The following SNX29 variants were observed in gnomAD, a reference collection of about 807,000 sequenced individuals.
SNX29 encodes sorting nexin-29.
SNX29 carries 78 observed loss-of-function variants against 102.1 expected under a neutral mutation model. The ratio of observed to expected loss-of-function variants is 0.76; its 90% CI spans 0.64 to 0.92. SNX29 has a LOEUF of 0.92. SNX29 is among the 40% of genes least tolerant of loss of function. SNX29 has a pLI of 0.00. For missense variants in SNX29, 1,280 were observed against 1,061.7 expected, an observed-to-expected ratio of 1.21 and a Z score of -2.86; for synonymous variants, 580 against 414.5, an observed-to-expected ratio of 1.40 and a Z score of -4.85.
At position 12,558,721 on chromosome 16, in the gene SNX29, G is replaced by C. The variant is rs138522727; in HGVS notation, c.2319-9785G>C. On this transcript the variant is annotated intron_variant, in intron 20 of 20. Transcript: ENST00000566228. ...CCCCATCCCGTTTCTACGGGGGGCTGCACAAGCCTCACCACTAGGCTGTCC... is the reference window on the plus strand; with the variant it reads ...CCCCATCCCGTTTCTACGGGGGGCTCCACAAGCCTCACCACTAGGCTGTCC... 6.2e-4 allele frequency among the ~76,000 whole-genome samples: 94 copies of C among 152,314 alleles called. 1 individual carries two copies. Among genetic ancestry groups the C allele is most frequent in the African/African-American group, 2.1e-3 (89 of 41,572 alleles).
intron 16 of SNX29, among the ~76,000 whole-genome samples, chr16:12,360,348 G>A (rs2082267104): frequency 6.6e-6 from 1 of 152,134 alleles, no homozygotes. Context: ...CATTATTGTG[G>A]AAGACACTTG....
chr16:12,023,195 C>T (rs751605325), intron 3 of SNX29, among the ~76,000 whole-genome samples: 6 of 151,988 alleles, frequency 3.9e-5, no homozygotes, highest in Admixed American at 6.6e-5. Context: ...CTGCACCCCA[C>T]CTGACTGGTG....
intron 18 of SNX29, among the ~76,000 whole-genome samples, chr16:12,469,075 C>G (rs2087213262): frequency 1.3e-5 from 2 of 152,224 alleles, no homozygotes; most frequent in Admixed American, 6.5e-5. Flanking sequence ...AAAGCACAGA[C>G]TGGCTGGGTC....
At chr16:12,383,164 C>T (rs1269708958) in intron 16 of SNX29, among the ~76,000 whole-genome samples, 4 of 152,136 alleles carry the variant, frequency 2.6e-5, no homozygotes, top group African/African-American at 9.7e-5. Context: ...CTGTCACCTC[C>T]ATTCCCATCC....
At chr16:12,404,947 T>A (rs931685900) in intron 18 of SNX29, among the ~76,000 whole-genome samples, 9 of 152,182 alleles carry the variant, frequency 5.9e-5, no homozygotes, top group African/African-American at 2.2e-4. Context: ...AGAAGTTTGT[T>A]TTAGTTTGAC....
chr16:12,150,446 A>T (rs1400195097), intron 13 of SNX29, among the ~76,000 whole-genome samples: 1 of 152,222 alleles, frequency 6.6e-6, no homozygotes, highest in African/African-American at 2.4e-5. Context: ...CTAGCTCCTC[A>T]AGGTACGAGG....
intron 18 of SNX29, among the ~76,000 whole-genome samples, chr16:12,418,117 C>G (rs952884326): frequency 3.3e-5 from 5 of 152,146 alleles, no homozygotes; most frequent in Non-Finnish European, 7.4e-5. Flanking sequence ...ACTACCGAGT[C>G]ACTCCTGATA....
Position 12,225,070 on chromosome 16 carries a change from T to C in SNX29, c.1678+25387T>C, listed in dbSNP as rs553964977. On this transcript the variant is annotated intron_variant, in intron 14 of 20. Transcript: ENST00000566228. ...TAGTCAGAAATCTTTCTAACATCTGTTATTCTAACAAACAGTGCCTTTGGT... is the reference window on the plus strand; with the variant it reads ...TAGTCAGAAATCTTTCTAACATCTGCTATTCTAACAAACAGTGCCTTTGGT... Among the ~76,000 whole-genome samples the C allele has an allele frequency of 8.5e-5, 13 of 152,280 alleles. No homozygotes were observed. The East Asian group carries it at 2.1e-3, about 25-fold the overall frequency.
chr16:12,554,149 T>G (rs867309906), intron 20 of SNX29, among the ~76,000 whole-genome samples: 3 of 152,246 alleles, frequency 2.0e-5, no homozygotes, highest in Admixed American at 1.3e-4. Flanking sequence ...CTCTTTACTG[T>G]GTTTAAGTAA....
chr16:12,537,840 C>G (rs573640502), intron 20 of SNX29, among the ~76,000 whole-genome samples: 2 of 152,238 alleles, frequency 1.3e-5, no homozygotes, highest in South Asian at 2.1e-4. Context: ...AGTTGTCTGG[C>G]TGGGCATGGT....
intron 13 of SNX29, among the ~76,000 whole-genome samples, chr16:12,137,032 G>T (rs528330633): frequency 3.3e-5 from 5 of 152,304 alleles, no homozygotes; most frequent in African/African-American, 9.6e-5. Flanking sequence ...GAGCCACGGT[G>T]CCCAGCCTAG....
intron 16 of SNX29, among the ~76,000 whole-genome samples, chr16:12,371,576 A>T (rs981681488): frequency 1.6e-4 from 24 of 152,090 alleles, no homozygotes; most frequent in Admixed American, 1.5e-3. Context: ...AAGTGCTGGG[A>T]TTATAGGCGT....
intron 19 of SNX29, among the ~76,000 whole-genome samples, chr16:12,487,183 T>C (rs998236199): frequency 5.3e-5 from 8 of 152,156 alleles, no homozygotes; most frequent in Admixed American, 5.2e-4. Context: ...AGATCTGTGT[T>C]CAGGTTTGTT....
At chr16:12,310,092 G>GCA (rs1247796139) in intron 15 of SNX29, among the ~76,000 whole-genome samples, 1 of 142,576 alleles carries the variant, frequency 7.0e-6, no homozygotes, top group Middle Eastern at 3.3e-3. Flanking sequence ...GTGCACACAT[G>GCA]CACACACATG....
chr16:12,451,519 C>T (rs1283929356), intron 18 of SNX29, among the ~76,000 whole-genome samples: 4 of 152,202 alleles, frequency 2.6e-5, no homozygotes, highest in East Asian at 3.8e-4. Flanking sequence ...ATGCAGCAGC[C>T]TTTTAGCATT....
intron 3 of SNX29, among the ~76,000 whole-genome samples, chr16:12,017,164 T>C (rs2056874809): frequency 6.6e-6 from 1 of 152,116 alleles, no homozygotes; most frequent in Non-Finnish European, 1.5e-5. Flanking sequence ...CCTGATGTCT[T>C]TGCAGAAAGG....
intron 16 of SNX29, chr16:12,375,202 C>A (rs1045887899): frequency 6.6e-6 from 1 of 152,250 alleles, no homozygotes; most frequent in East Asian, 1.9e-4. Flanking sequence ...GTTTTAGCCC[C>A]CATTATTTTG....
chr16:12,477,220 C>G (rs141561500), intron 18 of SNX29, among the ~76,000 whole-genome samples: 1 of 152,158 alleles, frequency 6.6e-6, no homozygotes, highest in Admixed American at 6.5e-5. Flanking sequence ...AGCTCTTGCC[C>G]CCTCCCTTCT....
intron 20 of SNX29, among the ~76,000 whole-genome samples, chr16:12,567,159 G>A (rs1192779269): frequency 6.6e-6 from 1 of 152,192 alleles, no homozygotes; most frequent in Non-Finnish European, 1.5e-5. Context: ...GATACAGCTG[G>A]GGGTGGATGT....
Sources: allele counts gnomAD v4.1 joint callset (sites outside exome capture counted in the v4.1 genomes callset), GRCh38; gene constraint gnomAD v4.1.1; transcripts MANE v1.5; gene names NCBI Gene and HGNC (gene_info 2026-07-23, HGNC 2026-07-21).